FAM76A: variants seen among roughly 807,000 people sequenced by gnomAD.
FAM76A encodes the protein protein FAM76A.
In FAM76A, 32 loss-of-function variants were observed where a neutral mutation model predicts 46.2. The observed-to-expected ratio is 0.69, with a 90% confidence interval of 0.52 to 0.93. FAM76A has a LOEUF of 0.93. Ranked by LOEUF, FAM76A falls within the 40% of genes least tolerant of loss-of-function variation. FAM76A has a pLI of 0.00. For missense variants in FAM76A, 274 were observed against 361.5 expected (o/e 0.76, Z 1.96); for synonymous variants, 137 against 127.0 (o/e 1.08, Z -0.53).
intron 5 of FAM76A, among the ~76,000 whole-genome samples, chr1:27,748,510 T>TGGAGTGCAGTGGATTGCTG (rs1460466193): frequency 1.7e-4 from 25 of 145,766 alleles, no homozygotes; most frequent in Admixed American, 4.2e-4. Flanking sequence ...CTCGCCAGGC[T>TGGAGTGCAGTGGATTGCTG]GGAGTGCAGT....
At chr1:27,746,816 C>A (rs1157209269) in intron 5 of FAM76A, among the ~76,000 whole-genome samples, 1 of 152,148 alleles carries the variant, frequency 6.6e-6, no homozygotes, top group Non-Finnish European at 1.5e-5. Context: ...CTGGCTTACA[C>A]CCGTAAACCC....
chr1:27,737,190 C>G (rs1329203165), intron 4 of FAM76A, among the ~76,000 whole-genome samples: 2 of 152,042 alleles, frequency 1.3e-5, no homozygotes, highest in Non-Finnish European at 2.9e-5. Context: ...CTCAGGTGAT[C>G]TACCCGCCTC....
At chr1:27,748,605 C>A (rs1350448920) in intron 5 of FAM76A, among the ~76,000 whole-genome samples, 2 of 151,680 alleles carry the variant, frequency 1.3e-5, no homozygotes, top group Non-Finnish European at 2.9e-5. Flanking sequence ...CCTCAGCCTC[C>A]TGCGTAGCTG....
At chr1:27,751,494 A>AT (rs1202143554) in intron 6 of FAM76A, among the ~76,000 whole-genome samples, 1 of 137,798 alleles carries the variant, frequency 7.3e-6, no homozygotes, top group African/African-American at 2.7e-5. Context: ...CTGGCTACCC[A>AT]TTTCTTTTTT....
chr1:27,761,072 T>A lies in FAM76A; in HGVS notation c.*491T>A. 6.6e-6 allele frequency: 1 copy of A among 151,904 alleles called. No homozygotes were observed. Among genetic ancestry groups the A allele is most frequent in the African/African-American group, 2.4e-5 (1 of 41,308 alleles). The allele number at this position is 151,904 out of a possible 1,614,324, so 9.4% of individuals were successfully genotyped here. A position where few individuals can be genotyped will look rare whatever the true frequency, so the allele number is the denominator to read the frequency against. ...ACTGCCATCTTCAGACTTGGTATAA[T>A]GGAAGAGGCTTTCTCTCTCCAATAA... is the stretch of plus-strand genomic sequence containing the variant. On this transcript the variant is annotated 3_prime_UTR_variant, in exon 9 of 9. Transcript: ENST00000373954.
intron 2 of FAM76A, among the ~76,000 whole-genome samples, chr1:27,731,198 ATTTTT>A (rs34236376): frequency 9.1e-6 from 1 of 109,836 alleles, no homozygotes; most frequent in African/African-American, 3.3e-5. Flanking sequence ...AGAAATCAGA[ATTTTT>A]TTTTTTTTTT....
Position 27,761,660 on chromosome 1 carries a change from G to A in FAM76A, c.*1079G>A, listed in dbSNP as rs2088511775. The A allele has an allele frequency of 1.3e-5, 2 of 152,230 alleles. No individual in the cohort carries two copies. The highest frequency in any genetic ancestry group is 4.1e-4 in the South Asian group (2 of 4,834). 9.4% of individuals were successfully genotyped at this position (152,230 alleles called of 1,614,324 possible). On this transcript the variant is annotated 3_prime_UTR_variant, in exon 9 of 9. Coordinates refer to ENST00000373954, the MANE Select transcript of FAM76A (RefSeq NM_152660.3). The stretch of plus-strand genomic sequence containing the variant: ...GAATGTTTTTTTACATGAATGAACA[G>A]ATTAAAAATGGAATAATATGGTCGG...
intron 4 of FAM76A, among the ~76,000 whole-genome samples, chr1:27,736,446 G>A (rs1167390448): frequency 2.6e-5 from 4 of 152,214 alleles, no homozygotes; most frequent in African/African-American, 9.6e-5. Flanking sequence ...TTCCACATCT[G>A]TAAAAGGGGA....
intron 4 of FAM76A, among the ~76,000 whole-genome samples, chr1:27,742,436 TA>T (rs1487422640): frequency 6.6e-6 from 1 of 152,172 alleles, no homozygotes; most frequent in Non-Finnish European, 1.5e-5. Context: ...CAACTTTTTC[TA>T]ATTCAAACAG....
intron 4 of FAM76A, among the ~76,000 whole-genome samples, chr1:27,737,614 G>A (rs2088071977): frequency 6.6e-6 from 1 of 152,010 alleles, no homozygotes; most frequent in African/African-American, 2.4e-5. Flanking sequence ...CACTTTGGGA[G>A]GCCAAGGCAG....
intron 2 of FAM76A, among the ~76,000 whole-genome samples, chr1:27,728,963 C>CA (rs111829326): frequency 1.2e-3 from 141 of 117,132 alleles, no homozygotes; most frequent in Middle Eastern, 4.7e-3. Flanking sequence ...AACTCTGTCT[C>CA]AAAAAAAAAA....
At chr1:27,740,385 G>A in intron 4 of FAM76A, 1 of 1,309,362 alleles carries the variant, frequency 7.6e-7, no homozygotes, top group African/African-American at 1.5e-5. Flanking sequence ...ACCTGGGTTT[G>A]GAAGGCAGAA....
At chr1:27,730,647 T>C (rs2087941922) in intron 2 of FAM76A, among the ~76,000 whole-genome samples, 1 of 152,232 alleles carries the variant, frequency 6.6e-6, no homozygotes, top group African/African-American at 2.4e-5. Context: ...TTTCTTTGAA[T>C]GTCCTTCACT....
At position 27,744,796 on chromosome 1, in the gene FAM76A, G is replaced by T; in HGVS notation, c.497G>T (p.Gly166Val). The change falls in exon 5 of 9, where the codon GGT becomes GTT. Residue 166 changes from glycine (G) to valine (V), a missense_variant. Coordinates refer to ENST00000373954, the MANE Select transcript of FAM76A (RefSeq NM_152660.3). ...EKEQYSRLSG[G>V]GHYNSQKTLS... ...GAGCAGTATAGTCGCCTGAGTGGTG[G>T]TGGCCATTATAACAGGTAACCTCAA... is the stretch of plus-strand genomic sequence containing the variant. 6.2e-7 allele frequency: 1 copy of T among 1,614,094 alleles called. No homozygotes were observed. Among genetic ancestry groups the T allele is most frequent in the African/African-American group, 1.3e-5 (1 of 75,032 alleles).
At chr1:27,757,890 T>A (rs1008199849) in intron 7 of FAM76A, among the ~76,000 whole-genome samples, 1 of 150,896 alleles carries the variant, frequency 6.6e-6, no homozygotes. Flanking sequence ...GGCAGGAGAA[T>A]GGCGTGAACC....
chr1:27,747,287 G>A (rs938150955), intron 5 of FAM76A, among the ~76,000 whole-genome samples: 17 of 152,138 alleles, frequency 1.1e-4, no homozygotes, highest in Non-Finnish European at 1.5e-5. Flanking sequence ...TCAGATTCAG[G>A]GCTGAGAATG....
chr1:27,731,198 A>AATTTTTTTTTTTTTTTTTT (rs2087950488), intron 2 of FAM76A, among the ~76,000 whole-genome samples: 1 of 109,828 alleles, frequency 9.1e-6, no homozygotes, highest in African/African-American at 3.3e-5. Flanking sequence ...AGAAATCAGA[A>AATTTTTTTTTTTTTTTTTT]TTTTTTTTTT....
At chr1:27,726,276 C>T (rs988043738) in intron 1 of FAM76A, 115 bp downstream of exon 1, 2 of 960,780 alleles carry the variant, frequency 2.1e-6, no homozygotes, top group South Asian at 1.1e-4. Context: ...GCAGGCCCGC[C>T]AGGCTGAGGA....
intron 6 of FAM76A, among the ~76,000 whole-genome samples, chr1:27,754,416 CCTT>C (rs1190202596): frequency 6.6e-6 from 1 of 152,098 alleles, no homozygotes; most frequent in Admixed American, 6.6e-5. Context: ...TAAAACTGCC[CCTT>C]CTTAAGAGGC....
Sources: allele counts gnomAD v4.1 joint callset (sites outside exome capture counted in the v4.1 genomes callset), GRCh38; gene constraint gnomAD v4.1.1; transcripts MANE v1.5; gene names NCBI Gene and HGNC (gene_info 2026-07-23, HGNC 2026-07-21).